The following ACSL5 variants were observed in gnomAD, a reference collection of about 807,000 sequenced individuals.
The protein encoded by ACSL5 is acyl-CoA synthetase long chain family member 5, also known as long-chain-fatty-acid--CoA ligase 5.
In ACSL5, 50 loss-of-function variants were observed where a neutral mutation model predicts 84.9. The ratio of observed to expected loss-of-function variants is 0.59; its 90% CI spans 0.47 to 0.75. ACSL5 has a LOEUF of 0.75. Ranked by LOEUF, ACSL5 falls within the 30% of genes least tolerant of loss-of-function variation. The pLI, the probability that ACSL5 is intolerant of heterozygous loss-of-function variation, is 0.00. For missense variants in ACSL5, 775 were observed against 830.4 expected, an observed-to-expected ratio of 0.93 and a Z score of 0.82; for synonymous variants, 280 against 300.7, an observed-to-expected ratio of 0.93 and a Z score of 0.71.
chr10:112,383,920 C>G (rs373600103), intron 1 of ACSL5, among the ~76,000 whole-genome samples: 1 of 152,036 alleles, frequency 6.6e-6, no homozygotes, highest in Non-Finnish European at 1.5e-5. Context: ...CCACCAGGCG[C>G]GGTGGTTCAT....
At chr10:112,399,373 T>G in intron 3 of ACSL5, among the ~76,000 whole-genome samples, 1 of 152,228 alleles carries the variant, frequency 6.6e-6, no homozygotes, top group East Asian at 1.9e-4. Context: ...ACCTCATATT[T>G]GTTTAGAAAC....
chr10:112,390,710 A>G (rs1250134119), intron 1 of ACSL5, among the ~76,000 whole-genome samples: 3 of 151,896 alleles, frequency 2.0e-5, no homozygotes, highest in Admixed American at 1.3e-4. Flanking sequence ...AGTGTAGTCT[A>G]TCCATACAAT....
chr10:112,389,284 G>A (rs1198333073), intron 1 of ACSL5, among the ~76,000 whole-genome samples: 1 of 152,174 alleles, frequency 6.6e-6, no homozygotes, highest in Admixed American at 6.5e-5. Flanking sequence ...CATGTTAGGA[G>A]CCAGGAGATG....
At chr10:112,421,345 G>C (rs1025351150) in intron 14 of ACSL5, among the ~76,000 whole-genome samples, 1 of 151,642 alleles carries the variant, frequency 6.6e-6, no homozygotes. Flanking sequence ...TGTTTTTGTA[G>C]AGATGGGGTT....
At position 112,394,927 on chromosome 10, in the gene ACSL5, T is replaced by G. The variant is rs141628996; in HGVS notation, c.-20T>G. 1.7e-5 allele frequency: 27 copies of G among 1,612,976 alleles called. No individual in the cohort carries two copies. In the African/African-American group the frequency reaches 2.4e-4, roughly 14 times the overall value. On this transcript the variant is annotated 5_prime_UTR_variant, in exon 2 of 21. Coordinates refer to ENST00000354655, the MANE Select transcript of ACSL5 (RefSeq NM_203379.2). ...CTGTTTTTTTTTTAAGGTCTGAATTTCCTGCTGCTGTTCACAAAGATGCTT... is the reference window on the plus strand; with the variant it reads ...CTGTTTTTTTTTTAAGGTCTGAATTGCCTGCTGCTGTTCACAAAGATGCTT...
chr10:112,383,746 T>C (rs569655558), intron 1 of ACSL5, among the ~76,000 whole-genome samples: 12 of 152,216 alleles, frequency 7.9e-5, no homozygotes, highest in African/African-American at 2.9e-4. Context: ...CCAACCAAGG[T>C]GGTAGAACTT....
chr10:112,402,133 T>A (rs1475043562), intron 3 of ACSL5, among the ~76,000 whole-genome samples: 1 of 151,936 alleles, frequency 6.6e-6, no homozygotes, highest in African/African-American at 2.4e-5. Flanking sequence ...CCATAGCTAA[T>A]TTTTTTATAT....
At position 112,417,890 on chromosome 10, in the gene ACSL5, C is replaced by T; in HGVS notation, c.1263C>T (p.Ala421=). 2.5e-6 allele frequency: 4 copies of T among 1,613,892 alleles called. No individual in the cohort carries two copies. Among genetic ancestry groups the T allele is most frequent in the Non-Finnish European group, 3.4e-6 (4 of 1,179,908 alleles). The change falls in exon 14 of 21, where the codon GCC becomes GCT. Residue 421 remains alanine, a synonymous_variant. Coordinates refer to ENST00000354655, the MANE Select transcript of ACSL5 (RefSeq NM_203379.2). ...TTCGTGTAATTGTCACTGGAGCTGC[C>T]CCCATGTCCACTTCAGTCATGACAT... The part of the protein sequence containing the change: ...GRVRVIVTGA[A]PMSTSVMTFF...
Position 112,376,345 on chromosome 10 carries a change from C to A in ACSL5, c.-30+2076C>A, listed in dbSNP as rs754412834. On this transcript the variant is annotated intron_variant, in intron 1 of 20. Transcript: ENST00000354655. ...TGAAGCCACCCTGTCTCTGGAGGAA[C>A]CACGAGCGAGGGAAGAAGGACAGGG... The A allele has an allele frequency of 7.4e-6, 12 of 1,614,030 alleles. No homozygotes were observed. The highest frequency in any genetic ancestry group is 2.7e-5 in the African/African-American group (2 of 74,904).
intron 20 of ACSL5, among the ~76,000 whole-genome samples, 156 bp downstream of exon 20, chr10:112,427,015 C>A (rs1844752456): frequency 6.6e-6 from 1 of 152,146 alleles, no homozygotes; most frequent in African/African-American, 2.4e-5. Context: ...TTGTACAGCG[C>A]CCTTTTTTTG....
rs749931911 is a variant in ACSL5, at chr10:112,425,359, G to A, written c.1615G>A (p.Asp539Asn). ...WLPNGTLKII[D>N]RKKNIFKLAQ... ...GTAGAATGGAACTCTGAAGATCATC[G>A]ACCGTAAAAAGAACATTTTCAAGCT... The change falls in exon 18 of 21, where the codon GAC (aspartate) becomes AAC (asparagine). Residue 539 changes from aspartate to asparagine, a missense_variant. By Grantham distance (23) the Asp-to-Asn change is conservative. Transcript: ENST00000354655. 51 of 1,612,012 alleles carry A rather than the reference G, an allele frequency of 3.2e-5. 1 individual carries two copies. The highest frequency in any genetic ancestry group is 3.7e-5 in the Non-Finnish European group (44 of 1,179,170).
chr10:112,376,518 G>A (rs2133552011), intron 1 of ACSL5: 1 of 1,590,634 alleles, frequency 6.3e-7, no homozygotes, highest in Non-Finnish European at 8.6e-7. Flanking sequence ...GGCCAAGGGG[G>A]CATCCTGACC....
intron 1 of ACSL5, among the ~76,000 whole-genome samples, chr10:112,382,448 C>T (rs371379709): frequency 2.6e-5 from 4 of 152,310 alleles, no homozygotes; most frequent in African/African-American, 9.6e-5. Flanking sequence ...GCAGTGGAAT[C>T]CACAGGTGAG....
intron 14 of ACSL5, chr10:112,420,130 T>C (rs1844422005): frequency 6.6e-6 from 1 of 152,254 alleles, no homozygotes; most frequent in Non-Finnish European, 1.5e-5. Context: ...CCATTTTTAA[T>C]ACTGTCCTTT....
intron 9 of ACSL5, among the ~76,000 whole-genome samples, chr10:112,410,930 C>T (rs960144448): frequency 2.0e-5 from 3 of 152,166 alleles, no homozygotes; most frequent in African/African-American, 2.4e-5. Flanking sequence ...GATTTGACAC[C>T]GCTGGAATGG....
chr10:112,398,959 C>T lies in ACSL5; in HGVS notation c.215C>T (p.Ser72Leu). The stretch of plus-strand genomic sequence containing the variant: ...AATGACCTAACAAGTTGCTGCTTCT[C>T]AGATGCCAAGACTATGTATGAGGTT... ...KNNDLTSCCF[S>L]DAKTMYEVFQ... Residue 72 changes from serine (S) to leucine (L), a missense_variant, in exon 3 of 21, where the codon TCA becomes TTA. Coordinates refer to ENST00000354655, the MANE Select transcript of ACSL5 (RefSeq NM_203379.2). 6 of 1,614,092 alleles carry T rather than the reference C, an allele frequency of 3.7e-6. No homozygotes were observed. The highest frequency in any genetic ancestry group is 3.4e-6 in the Non-Finnish European group (4 of 1,179,992).
chr10:112,374,928 T>C (rs1438166389), intron 1 of ACSL5, among the ~76,000 whole-genome samples: 2 of 152,144 alleles, frequency 1.3e-5, no homozygotes, highest in East Asian at 1.9e-4. Flanking sequence ...AAGCTTTCAG[T>C]TACCCCCTGA....
At chr10:112,386,838 T>C (rs765992122) in intron 1 of ACSL5, among the ~76,000 whole-genome samples, 31 of 152,214 alleles carry the variant, frequency 2.0e-4, no homozygotes, top group Non-Finnish European at 4.0e-4. Flanking sequence ...TCATGACTTC[T>C]AAATCAGTTA....
At chr10:112,401,330 A>G (rs1843882970) in intron 3 of ACSL5, among the ~76,000 whole-genome samples, 2 of 152,240 alleles carry the variant, frequency 1.3e-5, no homozygotes, top group South Asian at 2.1e-4. Context: ...TTTAAAATAT[A>G]TATCTTCTGG....
Sources: allele counts gnomAD v4.1 joint callset (sites outside exome capture counted in the v4.1 genomes callset), GRCh38; gene constraint gnomAD v4.1.1; transcripts MANE v1.5; gene names NCBI Gene and HGNC (gene_info 2026-07-23, HGNC 2026-07-21).